Variants in PCDHGB5 observed in about 807,000 individuals in gnomAD.
PCDHGB5 encodes protocadherin gamma subfamily B, 5.
A neutral mutation model predicts 62.9 loss-of-function variants in PCDHGB5; 48 were observed. That is an observed-to-expected ratio of 0.76 (90% CI 0.61 to 0.97). The LOEUF (loss-of-function observed/expected upper bound fraction) is 0.97, where lower values mean the gene tolerates loss of function less well. Among genes scored for constraint, PCDHGB5 ranks in the 50% least tolerant of loss-of-function variants. The pLI, the probability that PCDHGB5 is intolerant of heterozygous loss-of-function variation, is 0.00. For missense variants in PCDHGB5, 1,118 were observed against 1,198.6 expected (o/e 0.93, Z 0.99); for synonymous variants, 474 against 511.2 (o/e 0.93, Z 0.98).
At chr5:141,467,693 G>C (rs543886467) in intron 1 of PCDHGB5, among the ~76,000 whole-genome samples, 49 of 152,108 alleles carry the variant, frequency 3.2e-4, no homozygotes, top group African/African-American at 1.1e-3. Flanking sequence ...ACAGGGTCTG[G>C]CTCTGTTGCC....
rs2099606006 is a variant in PCDHGB5, at chr5:141,485,058, G to A, written c.2398-9749G>A. Reference sequence around the variant, plus strand: ...TAACCCTTGCGGCGCCGGCCGAACCGCGCCAGAGCTGGCGCGGGGAAAGGG... The same window carrying A: ...TAACCCTTGCGGCGCCGGCCGAACCACGCCAGAGCTGGCGCGGGGAAAGGG... On this transcript the variant is annotated intron_variant, in intron 1 of 3. Coordinates refer to ENST00000617380, the MANE Select transcript of PCDHGB5 (RefSeq NM_018925.3). The surrounding 1 kb of genome is among the most constrained non-coding windows in gnomAD (Gnocchi z 5.7). 1 of 848,828 alleles carries A rather than the reference G, an allele frequency of 1.2e-6. No individual in the cohort carries two copies. The highest frequency in any genetic ancestry group is 1.9e-6 in the Non-Finnish European group (1 of 529,084). The allele number at this position is 848,828 out of a possible 1,614,324, so 52.6% of individuals were successfully genotyped here.
chr5:141,414,942 C>T, intron 1 of PCDHGB5: 3 of 1,614,126 alleles, frequency 1.9e-6, no homozygotes, highest in Non-Finnish European at 1.7e-6. Context: ...CAGAGCCCGG[C>T]TACCTGGTGA....
intron 2 of PCDHGB5, among the ~76,000 whole-genome samples, chr5:141,503,275 C>T (rs1466636672): frequency 1.3e-5 from 2 of 152,108 alleles, no homozygotes; most frequent in Non-Finnish European, 2.9e-5. Context: ...GCACCTGGCT[C>T]TGTGTCTGGT....
At chr5:141,414,894 A>T in intron 1 of PCDHGB5, 1 of 1,613,958 alleles carries the variant, frequency 6.2e-7, no homozygotes, top group South Asian at 1.1e-5. Flanking sequence ...CCCTCCCCAC[A>T]GACGGTTCCA....
intron 2 of PCDHGB5, among the ~76,000 whole-genome samples, chr5:141,503,334 C>T (rs2099819255): frequency 6.6e-6 from 1 of 152,072 alleles, no homozygotes; most frequent in Admixed American, 6.6e-5. Context: ...CGGTGGCTCA[C>T]GCCTGTAATT....
Position 141,399,760 on chromosome 5 carries a change from C to T in PCDHGB5, c.1633C>T (p.Arg545Cys). The change falls in exon 1 of 4, where the codon CGC becomes TGC. Residue 545 changes from arginine to cysteine, a missense_variant. By Grantham distance (180) the Arg-to-Cys change is radical. Around this residue, in one of 2 missense-constraint regions of PCDHGB5, gnomAD observed 1,034 missense variants for 1,029.1 expected, o/e 1.00. Transcript: ENST00000617380. ...TGCGCTCAGCGCAAACGTGAGCCTG[C>T]GCGTGTTGGTGGGCGACCGAAACGA... ...SPALSANVSLRVLVGDRNDNA... is the reference protein window; with the variant it reads ...SPALSANVSLCVLVGDRNDNA... The T allele has an allele frequency of 1.9e-6, 3 of 1,613,342 alleles. No individual in the cohort carries two copies. Among genetic ancestry groups the T allele is most frequent in the Non-Finnish European group, 2.5e-6 (3 of 1,179,814 alleles).
intron 1 of PCDHGB5, among the ~76,000 whole-genome samples, chr5:141,444,770 C>A (rs1382748105): frequency 2.6e-5 from 4 of 152,078 alleles, no homozygotes; most frequent in African/African-American, 9.7e-5. Context: ...TTTCTATATT[C>A]TTGATCATGT....
At chr5:141,506,188 C>A (rs925159785) in intron 3 of PCDHGB5, among the ~76,000 whole-genome samples, 1 of 152,058 alleles carries the variant, frequency 6.6e-6, no homozygotes, top group Non-Finnish European at 1.5e-5. Flanking sequence ...TGGTGGCTCA[C>A]GCCTGTAATC....
In PCDHGB5 at chr5:141,432,635, G is replaced by T. The variant is rs754354737; in HGVS notation, c.2397+32111G>T. 8.7e-6 allele frequency: 14 copies of T among 1,613,004 alleles called. No individual in the cohort carries two copies. The South Asian group carries it at 1.4e-4, about 16-fold the overall frequency. On this transcript the variant is annotated intron_variant, in intron 1 of 3. Transcript: ENST00000617380. This position sits in a 1 kb window ranked among gnomAD's most constrained non-coding sequence, Gnocchi z 6.0. ...CTCGGTGGGTCTGCACACGGGCGAGGTGCGCACGGCGCGAGCCCTGCTGGA... is the reference window on the plus strand; with the variant it reads ...CTCGGTGGGTCTGCACACGGGCGAGTTGCGCACGGCGCGAGCCCTGCTGGA...
chr5:141,499,572 T>C (rs2099792782), intron 2 of PCDHGB5, among the ~76,000 whole-genome samples: 1 of 152,178 alleles, frequency 6.6e-6, no homozygotes, highest in Admixed American at 6.5e-5. Flanking sequence ...CAGCTTCAAC[T>C]AATGCCTTAT....
rs61612330 is a variant in PCDHGB5, at chr5:141,454,796, A to ATTTTTTTTTTTT, written c.2398-39993_2398-39982dup. Among the ~76,000 whole-genome samples, 573 of 77,460 alleles carry ATTTTTTTTTTTT rather than the reference A, an allele frequency of 7.4e-3. 68 individuals carry two copies. Among genetic ancestry groups the ATTTTTTTTTTTT allele is most frequent in the Non-Finnish European group, 9.0e-3 (384 of 42,814 alleles). The allele number at this position is 77,460 out of a possible 152,430, so 50.8% of individuals were successfully genotyped here. A position where few individuals can be genotyped will look rare whatever the true frequency, so the allele number is the denominator to read the frequency against. On this transcript the variant is annotated intron_variant, in intron 1 of 3. Coordinates refer to ENST00000617380, the MANE Select transcript of PCDHGB5 (RefSeq NM_018925.3). ...AAGGAAATAATCCTCCATGGTTCTA[A>ATTTTTTTTTTTT]TTTTTTTTTTTTTTTTTTTTTTTTT...
rs1193497090 is a variant in PCDHGB5 at position 141,485,890 on chromosome 5, C to T, written c.2398-8917C>T. On this transcript the variant is annotated intron_variant, in intron 1 of 3. Coordinates refer to ENST00000617380, the MANE Select transcript of PCDHGB5 (RefSeq NM_018925.3). This position sits in a 1 kb window ranked among gnomAD's most constrained non-coding sequence, Gnocchi z 5.7. ...CCGTGCTGGACGTAAACGACAACGC[C>T]CCAGCCTTCCAGCAATCCAGCTACA... The T allele has an allele frequency of 6.2e-6, 10 of 1,614,156 alleles. No homozygotes were observed. Among genetic ancestry groups the T allele is most frequent in the Non-Finnish European group, 6.8e-6 (8 of 1,180,022 alleles).
At chr5:141,433,204 C>A in intron 1 of PCDHGB5, 1 of 1,566,946 alleles carries the variant, frequency 6.4e-7, no homozygotes, top group Non-Finnish European at 8.6e-7. Flanking sequence ...ATCAAATCTT[C>A]TTTCTTTTTT....
chr5:141,479,020 T>C (rs961123768), intron 1 of PCDHGB5, among the ~76,000 whole-genome samples: 1 of 152,236 alleles, frequency 6.6e-6, no homozygotes, highest in African/African-American at 2.4e-5. Flanking sequence ...ATAATTTTCC[T>C]TTGTTTATAC....
intron 1 of PCDHGB5, among the ~76,000 whole-genome samples, chr5:141,468,186 A>G (rs2099159540): frequency 6.6e-6 from 1 of 151,848 alleles, no homozygotes; most frequent in African/African-American, 2.4e-5. Context: ...TTTGCTGGGC[A>G]TGGTGGCGGG....
chr5:141,446,594 A>G (rs571957656), intron 1 of PCDHGB5, among the ~76,000 whole-genome samples: 8 of 152,136 alleles, frequency 5.3e-5, no homozygotes, highest in African/African-American at 1.9e-4. Flanking sequence ...CTTCTGCCTC[A>G]GCCTCCTGAG....
At chr5:141,414,748 G>T (rs765780935) in intron 1 of PCDHGB5, 1 of 1,614,182 alleles carries the variant, frequency 6.2e-7, no homozygotes, top group South Asian at 1.1e-5. Context: ...CAGATCCTTC[G>T]ACTATGAGCA....
chr5:141,432,964 G>A lies in PCDHGB5; in HGVS notation c.2397+32440G>A, dbSNP rs2097554835. On this transcript the variant is annotated intron_variant, in intron 1 of 3. Transcript: ENST00000617380. This position sits in a 1 kb window ranked among gnomAD's most constrained non-coding sequence, Gnocchi z 6.0. Reference sequence around the variant, plus strand: ...CTTCAGGAGGCGGCTTGACAGGAGCGCCGGCGTCGCACTTTGTGGGCGTGG... The same window carrying A: ...CTTCAGGAGGCGGCTTGACAGGAGCACCGGCGTCGCACTTTGTGGGCGTGG... The A allele has an allele frequency of 6.2e-7, 1 of 1,614,044 alleles. No homozygotes were observed. Among genetic ancestry groups the A allele is most frequent in the African/African-American group, 1.3e-5 (1 of 74,934 alleles).
At chr5:141,425,413 T>G (rs2096873899) in intron 1 of PCDHGB5, among the ~76,000 whole-genome samples, 1 of 152,202 alleles carries the variant, frequency 6.6e-6, no homozygotes, top group African/African-American at 2.4e-5. Context: ...AGGTATAACA[T>G]ATAGTCCCAT....
Sources: gnomAD v4.1 joint callset for allele counts (sites outside exome capture counted in the v4.1 genomes callset) on GRCh38, gnomAD v4.1.1 for gene constraint, gnomAD v4.1.1 regional missense constraint, Gnocchi (gnomAD v3.1) non-coding constraint, MANE v1.5 for transcripts, NCBI Gene and HGNC (gene_info 2026-07-23, HGNC 2026-07-21) for gene names.